The following WDR70 variants were observed in gnomAD, a reference collection of about 807,000 sequenced individuals.
WDR70 encodes the protein WD repeat-containing protein 70.
In WDR70, 53 loss-of-function variants were observed where a neutral mutation model predicts 88.6. That is an observed-to-expected ratio of 0.60 (90% CI 0.48 to 0.75). The LOEUF is 0.75. Ranked by LOEUF, WDR70 falls within the 30% of genes least tolerant of loss-of-function variation. The pLI, the probability that WDR70 is intolerant of heterozygous loss-of-function variation, is 0.00. For missense variants in WDR70, 610 were observed against 823.2 expected (o/e 0.74, Z 3.17); for synonymous variants, 280 against 270.0 (o/e 1.04, Z -0.36).
At chr5:37,413,000 T>A (rs1749571679) in intron 5 of WDR70, among the ~76,000 whole-genome samples, 1 of 152,080 alleles carries the variant, frequency 6.6e-6, no homozygotes, top group Non-Finnish European at 1.5e-5. Flanking sequence ...TTGACTTCAA[T>A]TAAAGAAGAA....
chr5:37,382,282 T>C (rs1748451586), intron 3 of WDR70, among the ~76,000 whole-genome samples: 1 of 149,710 alleles, frequency 6.7e-6, no homozygotes, highest in African/African-American at 2.5e-5. Flanking sequence ...GTATTTTTAG[T>C]AGAGATGGGG....
At chr5:37,611,035 A>C (rs1012011184) in intron 10 of WDR70, among the ~76,000 whole-genome samples, 1 of 152,158 alleles carries the variant, frequency 6.6e-6, no homozygotes, top group African/African-American at 2.4e-5. Flanking sequence ...TTTGTGGGAG[A>C]GGTGGCACTT....
intron 4 of WDR70, among the ~76,000 whole-genome samples, chr5:37,394,404 A>T (rs1247678302): frequency 6.6e-6 from 1 of 152,178 alleles, no homozygotes; most frequent in East Asian, 1.9e-4. Context: ...TAGTCATTCA[A>T]CTATTACTTA....
intron 8 of WDR70, among the ~76,000 whole-genome samples, chr5:37,496,497 C>T (rs781448793): frequency 2.0e-5 from 3 of 152,192 alleles, no homozygotes; most frequent in Non-Finnish European, 2.9e-5. Context: ...TAACACTCAC[C>T]GCGAGGGTCC....
intron 9 of WDR70, among the ~76,000 whole-genome samples, chr5:37,542,953 A>G (rs1166914077): frequency 6.6e-6 from 1 of 152,238 alleles, no homozygotes; most frequent in African/African-American, 2.4e-5. Flanking sequence ...GAGCTTGTCA[A>G]CAAAAAGTGG....
intron 12 of WDR70, among the ~76,000 whole-genome samples, chr5:37,701,915 T>A (rs780358778): frequency 6.6e-6 from 1 of 152,232 alleles, no homozygotes; most frequent in African/African-American, 2.4e-5. Flanking sequence ...CATCCTTCAC[T>A]TGTTCAGACT....
At chr5:37,395,079 A>C (rs969167068) in intron 4 of WDR70, among the ~76,000 whole-genome samples, 4 of 152,238 alleles carry the variant, frequency 2.6e-5, no homozygotes, top group Admixed American at 2.6e-4. Flanking sequence ...TGGAGCTTAC[A>C]TACCAGAGAT....
At chr5:37,557,927 A>G (rs1742344792) in intron 9 of WDR70, among the ~76,000 whole-genome samples, 2 of 136,126 alleles carry the variant, frequency 1.5e-5, no homozygotes, top group Non-Finnish European at 3.4e-5. Flanking sequence ...TCTTCAAAAG[A>G]GTACTCTTTT....
chr5:37,387,589 T>G (rs2111866800), intron 3 of WDR70, among the ~76,000 whole-genome samples: 1 of 152,084 alleles, frequency 6.6e-6, no homozygotes, highest in African/African-American at 2.4e-5. Flanking sequence ...AAATAGAAAA[T>G]ACCATTGGGA....
intron 9 of WDR70, among the ~76,000 whole-genome samples, chr5:37,541,860 T>C (rs1223119985): frequency 6.6e-6 from 1 of 152,210 alleles, no homozygotes; most frequent in East Asian, 1.9e-4. Context: ...ATATAACTTT[T>C]ACTCCAGGAT....
intron 7 of WDR70, among the ~76,000 whole-genome samples, chr5:37,449,898 G>T (rs10061784): frequency 0.019 from 2,950 of 152,018 alleles, 88 homozygotes; most frequent in African/African-American, 0.067. Flanking sequence ...CCCTCCCATA[G>T]CCCCGCACCC....
chr5:37,641,432 T>TG (rs1439138835), intron 10 of WDR70, among the ~76,000 whole-genome samples: 2 of 144,832 alleles, frequency 1.4e-5, no homozygotes, highest in African/African-American at 5.2e-5. Context: ...TTTTTTTTTT[T>TG]TTAAGACAGA....
chr5:37,737,839 G>A (rs909659629), intron 17 of WDR70, among the ~76,000 whole-genome samples: 2 of 151,764 alleles, frequency 1.3e-5, no homozygotes, highest in South Asian at 4.2e-4. Context: ...CACAGTTTCC[G>A]TAGGTCTCAT....
chr5:37,692,423 T>C (rs1746827109), intron 10 of WDR70, among the ~76,000 whole-genome samples: 1 of 152,024 alleles, frequency 6.6e-6, no homozygotes, highest in African/African-American at 2.4e-5. Flanking sequence ...AAAAAAGAAT[T>C]TTAGACCAAT....
At chr5:37,567,724 T>G (rs1742784601) in intron 9 of WDR70, among the ~76,000 whole-genome samples, 1 of 152,150 alleles carries the variant, frequency 6.6e-6, no homozygotes, top group Non-Finnish European at 1.5e-5. Context: ...GGAGATTTTT[T>G]TAACCTTTGA....
rs574663556 is a variant in WDR70, at chr5:37,413,172, C to T, written c.492+16602C>T. On this transcript the variant is annotated intron_variant, in intron 5 of 17. Transcript: ENST00000265107. ...CCAGTGACTATGTTCCTTAGGGTTT[C>T]GAAACTGCTAATGTGTGAAAATGGG... 3.4e-3 allele frequency among the ~76,000 whole-genome samples: 524 copies of T among 152,084 alleles called. 2 individuals carry two copies. The highest frequency in any genetic ancestry group is 4.9e-3 in the Non-Finnish European group (335 of 67,996).
chr5:37,557,958 T>TCTTTTGAAAACTCTTCAAAAGAGTAC (rs1742357179), intron 9 of WDR70, among the ~76,000 whole-genome samples: 1 of 6,906 alleles, frequency 1.4e-4, no homozygotes, highest in Admixed American at 1.4e-3. Flanking sequence ...CAAAAGAGTA[T>TCTTTTGAAAACTCTTCAAAAGAGTAC]TATGTATATT....
At chr5:37,526,541 A>T (rs529173599) in intron 9 of WDR70, among the ~76,000 whole-genome samples, 8 of 152,354 alleles carry the variant, frequency 5.3e-5, no homozygotes, top group African/African-American at 1.9e-4. Context: ...GAATGGGCAA[A>T]AACTGAAAGC....
intron 17 of WDR70, among the ~76,000 whole-genome samples, chr5:37,732,109 A>AC (rs2112715330): frequency 6.6e-6 from 1 of 152,312 alleles, no homozygotes; most frequent in South Asian, 2.1e-4. Flanking sequence ...CTAAAGGTAG[A>AC]CAATGGAGAT....
Sources: allele counts gnomAD v4.1 joint callset (sites outside exome capture counted in the v4.1 genomes callset), GRCh38; gene constraint gnomAD v4.1.1; transcripts MANE v1.5; gene names NCBI Gene and HGNC (gene_info 2026-07-23, HGNC 2026-07-21).